TSNARE1: variants seen among roughly 807,000 people sequenced by gnomAD.
TSNARE1 encodes the protein t-SNARE domain-containing protein 1.
A neutral mutation model predicts 62.0 loss-of-function variants in TSNARE1; 49 were observed. The ratio of observed to expected loss-of-function variants is 0.79; its 90% CI spans 0.63 to 1.00. The LOEUF (loss-of-function observed/expected upper bound fraction) is 1.00, where lower values mean the gene tolerates loss of function less well. Ranked by LOEUF, TSNARE1 falls within the 50% of genes least tolerant of loss-of-function variation. The pLI, the probability that TSNARE1 is intolerant of heterozygous loss-of-function variation, is 0.00. For missense variants in TSNARE1, 755 were observed against 700.1 expected (o/e 1.08, Z -0.88); for synonymous variants, 328 against 294.4 (o/e 1.11, Z -1.17).
At chr8:142,306,696 A>G (rs1257002391) in intron 9 of TSNARE1, among the ~76,000 whole-genome samples, 3 of 152,208 alleles carry the variant, frequency 2.0e-5, no homozygotes, top group South Asian at 4.1e-4. Flanking sequence ...ACTTGGCAAC[A>G]GTCCTTTTGT....
chr8:142,387,057 AG>A (rs1291366129), intron 1 of TSNARE1, among the ~76,000 whole-genome samples: 1 of 152,226 alleles, frequency 6.6e-6, no homozygotes, highest in East Asian at 1.9e-4. Flanking sequence ...ACTCCAAATT[AG>A]GAACATAAGA....
At chr8:142,267,671 G>A (rs187707140) in intron 12 of TSNARE1, among the ~76,000 whole-genome samples, 66 of 152,222 alleles carry the variant, frequency 4.3e-4, no homozygotes, top group East Asian at 1.9e-3. Flanking sequence ...CACTCCCCCC[G>A]GCCTCTTTCT....
intron 12 of TSNARE1, chr8:142,271,335 G>A (rs544766036): frequency 1.7e-6 from 2 of 1,169,134 alleles, no homozygotes; most frequent in Admixed American, 4.6e-5. Flanking sequence ...TGCAGCAGCA[G>A]GTTTTGCTGG....
intron 10 of TSNARE1, among the ~76,000 whole-genome samples, chr8:142,296,405 TGGA>T (rs1824753671): frequency 5.0e-5 from 2 of 39,742 alleles, no homozygotes; most frequent in Non-Finnish European, 9.1e-5. Flanking sequence ...GTCACTGTCA[TGGA>T]GGAGAGGTGG....
At chr8:142,254,866 G>C (rs1276234023) in intron 12 of TSNARE1, among the ~76,000 whole-genome samples, 1 of 152,146 alleles carries the variant, frequency 6.6e-6, no homozygotes, top group Non-Finnish European at 1.5e-5. Context: ...CTGCACCCGG[G>C]GCTCTGGTGC....
intron 2 of TSNARE1, among the ~76,000 whole-genome samples, chr8:142,346,100 C>T (rs1833335827): frequency 2.0e-5 from 3 of 152,206 alleles, no homozygotes; most frequent in Admixed American, 2.0e-4. Context: ...TTAGGTGTTC[C>T]GGACTTTTCT....
chr8:142,255,482 CCATCATCATCACCACCACCACCACTGT>C (rs1563780582), intron 12 of TSNARE1, among the ~76,000 whole-genome samples: 32 of 17,746 alleles, frequency 1.8e-3, no homozygotes, highest in East Asian at 4.1e-3. Context: ...ACCACCATCA[CCATCATCATCACCACCACCACCACTGT>C]CACCATCACC....
intron 12 of TSNARE1, among the ~76,000 whole-genome samples, chr8:142,256,604 A>G (rs1818597267): frequency 6.7e-6 from 1 of 150,276 alleles, no homozygotes; most frequent in Non-Finnish European, 1.5e-5. Flanking sequence ...CACTATCATC[A>G]CCATCATCAC....
In TSNARE1 at chr8:142,291,154, C is replaced by A. The variant is rs551759237; in HGVS notation, c.1291-6669G>T. Among the ~76,000 whole-genome samples, 417 of 152,150 alleles carry A rather than the reference C, an allele frequency of 2.7e-3. No homozygotes were observed. The highest frequency in any genetic ancestry group is 6.8e-3 in the Middle Eastern group (2 of 294). ...AAGTCACTGGCTCCTGGGGCGCTGG[C>A]TCTTTCCATGCCTGGCTCTGGACCT... On this transcript the variant is annotated intron_variant, in intron 10 of 13. Transcript: ENST00000524325. This position sits in a 1 kb window ranked among gnomAD's most constrained non-coding sequence, Gnocchi z 4.8.
In TSNARE1 at chr8:142,377,067, G is replaced by A. The variant is rs114018340; in HGVS notation, c.-39-22304C>T. Among the ~76,000 whole-genome samples, 955 of 152,298 alleles carry A rather than the reference G, an allele frequency of 6.3e-3. 10 individuals carry two copies. Among genetic ancestry groups the A allele is most frequent in the African/African-American group, 0.021 (875 of 41,562 alleles). On this transcript the variant is annotated intron_variant, in intron 1 of 13. Coordinates refer to ENST00000524325, the MANE Select transcript of TSNARE1 (RefSeq NM_145003.5). ...CACCCTGCCACCTCCCCCCGTCAACGGGGGACATGGCAGCACCCTCAGAGC... is the reference window on the plus strand; with the variant it reads ...CACCCTGCCACCTCCCCCCGTCAACAGGGGACATGGCAGCACCCTCAGAGC...
chr8:142,289,458 C>A (rs1823381279), intron 10 of TSNARE1, among the ~76,000 whole-genome samples: 1 of 152,214 alleles, frequency 6.6e-6, no homozygotes, highest in Admixed American at 6.5e-5. Context: ...CTCCTGGCGA[C>A]CGAGCTGGGG....
At chr8:142,245,955 C>T (rs1482720340) in intron 12 of TSNARE1, among the ~76,000 whole-genome samples, 1 of 152,214 alleles carries the variant, frequency 6.6e-6, no homozygotes, top group Non-Finnish European at 1.5e-5. Flanking sequence ...CAGACTTTAC[C>T]TCTAACCCTT....
intron 13 of TSNARE1, among the ~76,000 whole-genome samples, chr8:142,223,305 C>CTTAT (rs1816574486): frequency 1.9e-5 from 2 of 107,590 alleles, no homozygotes; most frequent in Non-Finnish European, 4.0e-5. Flanking sequence ...CAACCACTCA[C>CTTAT]TCATTCACTC....
intron 12 of TSNARE1, among the ~76,000 whole-genome samples, chr8:142,248,046 G>A (rs1817977577): frequency 6.6e-6 from 1 of 152,222 alleles, no homozygotes. Flanking sequence ...TTACCACCGT[G>A]ACGGTATCGA....
intron 7 of TSNARE1, 24 bp from the exon 8 acceptor site, chr8:142,315,116 C>A (rs757192419): frequency 4.3e-6 from 7 of 1,613,236 alleles, no homozygotes; most frequent in Non-Finnish European, 5.9e-6. Context: ...ACAGCTGGCA[C>A]GGCATGGGAG....
At chr8:142,288,556 G>A (rs539102998) in intron 10 of TSNARE1, among the ~76,000 whole-genome samples, 1 of 152,352 alleles carries the variant, frequency 6.6e-6, no homozygotes, top group South Asian at 2.1e-4. Flanking sequence ...TGGGCAGAAG[G>A]GTTTTGTAGT....
intron 9 of TSNARE1, among the ~76,000 whole-genome samples, chr8:142,311,195 G>A (rs542381114): frequency 7.4e-5 from 11 of 149,004 alleles, no homozygotes; most frequent in South Asian, 2.1e-4. Context: ...ACGGAGTTTC[G>A]CTCTTGTTGC....
At chr8:142,300,739 A>G (rs112520051) in intron 9 of TSNARE1, 95 bp from the exon 10 acceptor site, 2 of 1,277,596 alleles carry the variant, frequency 1.6e-6, no homozygotes. Context: ...TTTTCCCTTC[A>G]CTATCCCCAT....
intron 2 of TSNARE1, among the ~76,000 whole-genome samples, chr8:142,350,131 G>A (rs1434666802): frequency 1.3e-4 from 16 of 118,764 alleles, no homozygotes; most frequent in Non-Finnish European, 2.6e-4. Context: ...TGGGACCAGG[G>A]CAGGCAGGGC....
Sources: gnomAD v4.1 joint callset for allele counts (sites outside exome capture counted in the v4.1 genomes callset) on GRCh38, gnomAD v4.1.1 for gene constraint, Gnocchi (gnomAD v3.1) non-coding constraint, MANE v1.5 for transcripts, NCBI Gene and HGNC (gene_info 2026-07-23, HGNC 2026-07-21) for gene names.